GRXCR1: variants seen among roughly 807,000 people sequenced by gnomAD.
GRXCR1 encodes the protein glutaredoxin domain-containing cysteine-rich protein 1.
GRXCR1 carries 27 observed loss-of-function variants against 27.3 expected under a neutral mutation model. That is an observed-to-expected ratio of 0.99 (90% CI 0.73 to 1.37). GRXCR1 has a LOEUF of 1.37. Among genes scored for constraint, GRXCR1 ranks in the 40% most tolerant of loss-of-function variants. The pLI, the probability that GRXCR1 is intolerant of heterozygous loss-of-function variation, is 0.00. For synonymous variants in GRXCR1, 122 were observed against 131.1 expected (o/e 0.93, Z 0.47); for missense variants, 379 against 354.4 (o/e 1.07, Z -0.56).
intron 1 of GRXCR1, among the ~76,000 whole-genome samples, chr4:42,902,174 C>G (rs1390511680): frequency 6.6e-6 from 1 of 151,934 alleles, no homozygotes; most frequent in African/African-American, 2.4e-5. Flanking sequence ...TAGAATAACA[C>G]CAAGTGAGTC....
chr4:42,963,165 A>G (rs759822048), intron 2 of GRXCR1, 31 bp downstream of exon 2: 7 of 1,608,808 alleles, frequency 4.4e-6, no homozygotes, highest in Non-Finnish European at 5.1e-6. Context: ...AGTCTTTTTC[A>G]TAGAACCCAA....
intron 1 of GRXCR1, among the ~76,000 whole-genome samples, chr4:42,918,278 A>C (rs1472700980): frequency 6.6e-6 from 1 of 152,112 alleles, no homozygotes; most frequent in Non-Finnish European, 1.5e-5. Context: ...GCATGAACCC[A>C]TTAATGAGAG....
At chr4:43,008,239 C>A (rs1272176878) in intron 2 of GRXCR1, among the ~76,000 whole-genome samples, 1 of 152,062 alleles carries the variant, frequency 6.6e-6, no homozygotes, top group East Asian at 1.9e-4. Context: ...GATAAATAGT[C>A]ATTGCATGGA....
intron 1 of GRXCR1, among the ~76,000 whole-genome samples, chr4:42,956,618 G>A (rs1224927684): frequency 6.6e-6 from 1 of 152,044 alleles, no homozygotes; most frequent in African/African-American, 2.4e-5. Context: ...ACTGAATAGT[G>A]TATTTTAATT....
At chr4:43,014,118 T>C (rs1390189238) in intron 2 of GRXCR1, among the ~76,000 whole-genome samples, 2 of 151,210 alleles carry the variant, frequency 1.3e-5, no homozygotes, top group Non-Finnish European at 2.9e-5. Context: ...CTGCCAGGGA[T>C]ACAGAAAAAC....
At chr4:42,962,538 T>G (rs1028212955) in intron 1 of GRXCR1, among the ~76,000 whole-genome samples, 2 of 151,938 alleles carry the variant, frequency 1.3e-5, no homozygotes, top group South Asian at 4.1e-4. Context: ...AACTTTAGGT[T>G]TATGAAACAG....
intron 1 of GRXCR1, among the ~76,000 whole-genome samples, chr4:42,950,415 GA>G (rs1304184350): frequency 6.6e-6 from 1 of 152,150 alleles, no homozygotes; most frequent in Non-Finnish European, 1.5e-5. Context: ...AGAGGCTCCT[GA>G]ATATGATGAT....
intron 2 of GRXCR1, among the ~76,000 whole-genome samples, chr4:42,968,540 T>C (rs1349143422): frequency 6.6e-6 from 1 of 152,064 alleles, no homozygotes; most frequent in East Asian, 1.9e-4. Context: ...ATGCAAAATG[T>C]ACAGAAAAGT....
At chr4:43,029,319 T>C (rs1209295301) in intron 3 of GRXCR1, among the ~76,000 whole-genome samples, 1 of 152,234 alleles carries the variant, frequency 6.6e-6, no homozygotes, top group African/African-American at 2.4e-5. Context: ...AGCATGTTTG[T>C]CTGAGTATGT....
chr4:43,013,403 T>A (rs1313076629), intron 2 of GRXCR1, among the ~76,000 whole-genome samples: 3 of 152,146 alleles, frequency 2.0e-5, no homozygotes, highest in Non-Finnish European at 4.4e-5. Flanking sequence ...TATTGCATGT[T>A]CTCATTTATA....
chr4:42,908,080 C>T (rs1746637501), intron 1 of GRXCR1, among the ~76,000 whole-genome samples: 2 of 152,300 alleles, frequency 1.3e-5, no homozygotes, highest in East Asian at 1.9e-4. Flanking sequence ...GCCACACCTT[C>T]GAGATGCTAC....
chr4:42,902,354 C>T (rs966439397), intron 1 of GRXCR1, among the ~76,000 whole-genome samples: 1 of 152,134 alleles, frequency 6.6e-6, no homozygotes, highest in African/African-American at 2.4e-5. Context: ...CAGAGGACTC[C>T]AGGGTGTCCT....
At chr4:42,975,714 G>C (rs1748504622) in intron 2 of GRXCR1, among the ~76,000 whole-genome samples, 2 of 152,002 alleles carry the variant, frequency 1.3e-5, no homozygotes, top group Admixed American at 1.3e-4. Context: ...TTGGTCCATT[G>C]GTTAAATCTT....
chr4:43,027,973 G>T (rs1189897843), intron 3 of GRXCR1, among the ~76,000 whole-genome samples: 5 of 152,092 alleles, frequency 3.3e-5, no homozygotes, highest in African/African-American at 1.2e-4. Flanking sequence ...GCCAGGCGTG[G>T]TGACATGCAC....
At chr4:42,986,393 G>C (rs954434531) in intron 2 of GRXCR1, among the ~76,000 whole-genome samples, 4 of 152,094 alleles carry the variant, frequency 2.6e-5, no homozygotes, top group African/African-American at 9.7e-5. Context: ...TGGGCCCAGG[G>C]GCCAGTCAAT....
intron 2 of GRXCR1, among the ~76,000 whole-genome samples, chr4:43,018,895 C>T (rs1447101423): frequency 6.6e-6 from 1 of 152,122 alleles, no homozygotes; most frequent in African/African-American, 2.4e-5. Flanking sequence ...ATTCCTGGCC[C>T]AACTACCAAT....
chr4:42,995,945 T>C (rs1394581047), intron 2 of GRXCR1, among the ~76,000 whole-genome samples: 1 of 152,200 alleles, frequency 6.6e-6, no homozygotes, highest in Non-Finnish European at 1.5e-5. Flanking sequence ...AAAGGCTTTA[T>C]CTACTACTAT....
chr4:42,996,899 T>C (rs968152313), intron 2 of GRXCR1, among the ~76,000 whole-genome samples: 38 of 152,072 alleles, frequency 2.5e-4, no homozygotes, highest in African/African-American at 9.2e-4. Context: ...CTTTCTGTCT[T>C]ATCCTTCACA....
chr4:42,925,524 C>G (rs375486484), intron 1 of GRXCR1, among the ~76,000 whole-genome samples: 2 of 151,832 alleles, frequency 1.3e-5, no homozygotes, highest in Non-Finnish European at 2.9e-5. Context: ...CATTTTTTTC[C>G]GGCAATTTGG....
Sources: allele counts gnomAD v4.1 joint callset (sites outside exome capture counted in the v4.1 genomes callset), GRCh38; gene constraint gnomAD v4.1.1; transcripts MANE v1.5; gene names NCBI Gene and HGNC (gene_info 2026-07-23, HGNC 2026-07-21).